BCAS3: variants seen among roughly 807,000 people sequenced by gnomAD.
BCAS3 encodes BCAS3 microtubule associated cell migration factor, also known as BCAS4/BCAS3 fusion.
Under a neutral mutation model 116.1 loss-of-function variants are expected in BCAS3, and 53 were observed. The ratio of observed to expected loss-of-function variants is 0.46; its 90% CI spans 0.37 to 0.57. BCAS3 has a LOEUF of 0.57. Ranked by LOEUF, BCAS3 falls within the 20% of genes least tolerant of loss-of-function variation. The probability of loss-of-function intolerance (pLI) is 0.00; values close to 1 mark genes in which losing one functional copy is unlikely to be tolerated. For missense variants in BCAS3, 917 were observed against 1,165.4 expected (o/e 0.79, Z 3.10); for synonymous variants, 391 against 408.2 (o/e 0.96, Z 0.51).
chr17:60,719,061 C>CA (rs890076880), intron 5 of BCAS3, among the ~76,000 whole-genome samples: 14 of 149,810 alleles, frequency 9.3e-5, no homozygotes, highest in Middle Eastern at 3.4e-3. Flanking sequence ...GGCTCTGTCT[C>CA]AAAAAAAACA....
chr17:60,688,866 C>T (rs2034445145), intron 3 of BCAS3: 1 of 151,856 alleles, frequency 6.6e-6, no homozygotes, highest in African/African-American at 2.4e-5. Context: ...GAGATGCCTC[C>T]TTTTGAATAC....
intron 5 of BCAS3, among the ~76,000 whole-genome samples, chr17:60,729,322 T>TC (rs1407319836): frequency 6.6e-6 from 1 of 151,866 alleles, no homozygotes; most frequent in African/African-American, 2.4e-5. Context: ...ACTCTTTTTT[T>TC]TTTTTTTTTT....
intron 22 of BCAS3, among the ~76,000 whole-genome samples, chr17:61,114,040 C>A (rs927377085): frequency 6.6e-6 from 1 of 151,588 alleles, no homozygotes; most frequent in African/African-American, 2.4e-5. Flanking sequence ...ATTCAACAAC[C>A]CTTCATGCTA....
intron 7 of BCAS3, among the ~76,000 whole-genome samples, chr17:60,850,362 T>G (rs901495008): frequency 5.7e-5 from 8 of 141,438 alleles, no homozygotes; most frequent in African/African-American, 1.1e-4. Context: ...TTTTTTTTTT[T>G]TTTTTTTTTT....
At chr17:60,767,331 T>TCAGAAGTC (rs1260290081) in intron 6 of BCAS3, among the ~76,000 whole-genome samples, 1 of 146,710 alleles carries the variant, frequency 6.8e-6, no homozygotes, top group Non-Finnish European at 1.5e-5. Flanking sequence ...ATCTTGGAAC[T>TCAGAAGTC]CAGAAGTCCT....
chr17:60,783,544 G>A (rs1326175489), intron 6 of BCAS3, among the ~76,000 whole-genome samples: 2 of 152,176 alleles, frequency 1.3e-5, no homozygotes, highest in African/African-American at 4.8e-5. Context: ...ATGTCTGTGT[G>A]TGGCAGGGGC....
intron 6 of BCAS3, among the ~76,000 whole-genome samples, chr17:60,785,605 A>G (rs1015004156): frequency 6.6e-6 from 1 of 152,222 alleles, no homozygotes; most frequent in African/African-American, 2.4e-5. Flanking sequence ...CAGCCATATT[A>G]TGCAATATTA....
chr17:61,166,336 C>CT lies in BCAS3; in HGVS notation c.2425+81780dup, dbSNP rs200771056. Among the ~76,000 whole-genome samples, 849 of 150,256 alleles carry CT rather than the reference C, an allele frequency of 5.7e-3. 11 individuals carry two copies. The highest frequency in any genetic ancestry group is 0.019 in the African/African-American group (767 of 40,802). The stretch of plus-strand genomic sequence containing the variant: ...AGCAAATAGCTCCATAAAGCATTTC[C>CT]TTTTTTTTCTTTTTCTAAACGTTTT... On this transcript the variant is annotated intron_variant, in intron 22 of 23. Transcript: ENST00000407086.
rs2058136522 is a variant in BCAS3 at position 61,356,302 on chromosome 17, T to C, written c.2426-12025T>C. 1.3e-5 allele frequency among the ~76,000 whole-genome samples: 2 copies of C among 151,902 alleles called. No homozygotes were observed. The highest frequency in any genetic ancestry group is 4.1e-4 in the South Asian group (2 of 4,820). On this transcript the variant is annotated intron_variant, in intron 22 of 23. Transcript: ENST00000407086. The surrounding 1 kb of genome is among the most constrained non-coding windows in gnomAD (Gnocchi z 5.4). Reference sequence around the variant, plus strand: ...AGCCACCGCACCTGGCCAGGAAACATTGTCATTGCAGCCCAGCTACAAAAT... The same window carrying C: ...AGCCACCGCACCTGGCCAGGAAACACTGTCATTGCAGCCCAGCTACAAAAT...
At chr17:60,849,256 A>G (rs1599137389) in intron 7 of BCAS3, among the ~76,000 whole-genome samples, 1 of 152,016 alleles carries the variant, frequency 6.6e-6, no homozygotes, top group South Asian at 2.1e-4. Flanking sequence ...ATGTAATTTC[A>G]CAAACTGAAT....
At chr17:60,790,542 T>A (rs950458952) in intron 6 of BCAS3, among the ~76,000 whole-genome samples, 1 of 152,178 alleles carries the variant, frequency 6.6e-6, no homozygotes, top group African/African-American at 2.4e-5. Flanking sequence ...GTAATATTGT[T>A]AACTGTGAAA....
chr17:60,811,411 G>T, intron 7 of BCAS3: 1 of 614,998 alleles, frequency 1.6e-6, no homozygotes. Context: ...CCAGGATAGT[G>T]GATGGCAAAG....
Position 61,132,932 on chromosome 17 carries a change from G to A in BCAS3, c.2425+48368G>A, listed in dbSNP as rs918113601. On this transcript the variant is annotated intron_variant, in intron 22 of 23. Transcript: ENST00000407086. This position sits in a 1 kb window ranked among gnomAD's most constrained non-coding sequence, Gnocchi z 5.1. ...CTTCCAGAGGCAGGTTGTGGTTTCT[G>A]ATCCAATCAAGTGGATTCCTTTTCT... Among the ~76,000 whole-genome samples, 3 of 152,200 alleles carry A rather than the reference G, an allele frequency of 2.0e-5. No homozygotes were observed. The highest frequency in any genetic ancestry group is 2.9e-5 in the Non-Finnish European group (2 of 68,030).
In BCAS3 at chr17:61,286,039, G is replaced by A. The variant is rs1449024176; in HGVS notation, c.2426-82288G>A. The stretch of plus-strand genomic sequence containing the variant: ...AATATCATGACACCTTTTTACTCAT[G>A]GACCAGAAACATTTCATAAAGGAAA... On this transcript the variant is annotated intron_variant, in intron 22 of 23. Coordinates refer to ENST00000407086, the MANE Select transcript of BCAS3 (RefSeq NM_017679.5). This position sits in a 1 kb window ranked among gnomAD's most constrained non-coding sequence, Gnocchi z 4.8. 1.3e-5 allele frequency among the ~76,000 whole-genome samples: 2 copies of A among 152,182 alleles called. No homozygotes were observed. Among genetic ancestry groups the A allele is most frequent in the African/African-American group, 4.8e-5 (2 of 41,444 alleles).
intron 6 of BCAS3, among the ~76,000 whole-genome samples, chr17:60,763,664 TG>T (rs2043782527): frequency 6.6e-6 from 1 of 151,578 alleles, no homozygotes; most frequent in African/African-American, 2.4e-5. Flanking sequence ...TCTCTTTTTT[TG>T]TTGTGTCTCT....
intron 23 of BCAS3, among the ~76,000 whole-genome samples, chr17:61,374,773 A>G (rs1171318180): frequency 3.3e-5 from 5 of 152,180 alleles, no homozygotes; most frequent in African/African-American, 4.8e-5. Context: ...TCACAAAACA[A>G]TATTACGGCC....
chr17:60,780,617 T>C (rs546160622), intron 6 of BCAS3, among the ~76,000 whole-genome samples: 39 of 152,298 alleles, frequency 2.6e-4, no homozygotes, highest in African/African-American at 9.1e-4. Context: ...AAAGCTTTTT[T>C]GTCATGTTAG....
At chr17:61,011,332 T>G (rs1805929977) in intron 15 of BCAS3, among the ~76,000 whole-genome samples, 2 of 152,056 alleles carry the variant, frequency 1.3e-5, no homozygotes, top group Admixed American at 1.3e-4. Flanking sequence ...CTGCTGAACT[T>G]CCTTATACGA....
intron 10 of BCAS3, among the ~76,000 whole-genome samples, chr17:60,898,139 C>T (rs2057634458): frequency 6.6e-6 from 1 of 152,088 alleles, no homozygotes; most frequent in Non-Finnish European, 1.5e-5. Context: ...TTGTTTTTCA[C>T]AGTTCTCTTG....
Sources: allele counts gnomAD v4.1 joint callset (sites outside exome capture counted in the v4.1 genomes callset), GRCh38; gene constraint gnomAD v4.1.1; non-coding constraint Gnocchi (gnomAD v3.1); transcripts MANE v1.5; gene names NCBI Gene and HGNC (gene_info 2026-07-23, HGNC 2026-07-21).